SHISA9: variants seen among roughly 807,000 people sequenced by gnomAD.
SHISA9 encodes protein shisa-9.
A neutral mutation model predicts 38.0 loss-of-function variants in SHISA9; 13 were observed. That is an observed-to-expected ratio of 0.34 (90% CI 0.22 to 0.54). The LOEUF is 0.54. Ranked by LOEUF, SHISA9 falls within the 20% of genes least tolerant of loss-of-function variation. The probability of loss-of-function intolerance (pLI) is 0.91; values close to 1 mark genes in which losing one functional copy is unlikely to be tolerated. For missense variants in SHISA9, 538 were observed against 575.8 expected, an observed-to-expected ratio of 0.93 and a Z score of 0.67; for synonymous variants, 275 against 242.0, an observed-to-expected ratio of 1.14 and a Z score of -1.27.
chr16:13,309,324 C>T, the SHISA9 span, among the ~76,000 whole-genome samples: 2 of 152,140 alleles, frequency 1.3e-5, no homozygotes, highest in African/African-American at 4.8e-5. Flanking sequence ...ACCTGCACAT[C>T]CTGCACATGT....
chr16:13,396,797 T>C, the SHISA9 span, among the ~76,000 whole-genome samples: 1 of 152,168 alleles, frequency 6.6e-6, no homozygotes, highest in South Asian at 2.1e-4. Flanking sequence ...AAGGAGTCTT[T>C]CCTGAAAGGG....
At chr16:13,003,617 G>A (rs113730423) in intron 2 of SHISA9, among the ~76,000 whole-genome samples, 75 of 152,276 alleles carry the variant, frequency 4.9e-4, no homozygotes, top group Non-Finnish European at 6.3e-4. Context: ...CAGCATTTTG[G>A]GAGGCCAGAG....
the SHISA9 span, among the ~76,000 whole-genome samples, chr16:13,467,895 A>G: frequency 6.6e-6 from 1 of 152,340 alleles, no homozygotes; most frequent in Non-Finnish European, 1.5e-5. Context: ...AGGAAGGAAT[A>G]CTTGCAAAAC....
chr16:13,130,074 C>T (rs2050293843), intron 2 of SHISA9, among the ~76,000 whole-genome samples: 1 of 152,172 alleles, frequency 6.6e-6, no homozygotes, highest in African/African-American at 2.4e-5. Context: ...GAAATTTCTT[C>T]CTCAAGATCT....
At chr16:13,489,151 A>T in the SHISA9 span, among the ~76,000 whole-genome samples, 2 of 151,974 alleles carry the variant, frequency 1.3e-5, no homozygotes, top group East Asian at 3.9e-4. Context: ...GGTTCAAGCG[A>T]TTCTCCTGCC....
chr16:12,948,586 G>A (rs2071715797), intron 2 of SHISA9, among the ~76,000 whole-genome samples: 1 of 152,298 alleles, frequency 6.6e-6, no homozygotes, highest in East Asian at 1.9e-4. Context: ...TGTCTGGTAA[G>A]GGCCTGTTTC....
chr16:12,920,792 G>C (rs949301503), intron 2 of SHISA9, among the ~76,000 whole-genome samples: 1 of 152,180 alleles, frequency 6.6e-6, no homozygotes, highest in African/African-American at 2.4e-5. Context: ...CTAAACTGTA[G>C]ACATGTTTGG....
chr16:13,118,241 A>ATACAGTCT (rs1306648426), intron 2 of SHISA9, among the ~76,000 whole-genome samples: 1 of 151,774 alleles, frequency 6.6e-6, no homozygotes, highest in African/African-American at 2.4e-5. Context: ...TTCACCAGTA[A>ATACAGTCT]TACAGTCTAG....
chr16:13,019,675 A>G (rs2072799719), intron 2 of SHISA9, among the ~76,000 whole-genome samples: 3 of 151,872 alleles, frequency 2.0e-5, no homozygotes, highest in African/African-American at 4.8e-5. Flanking sequence ...AACTTGTGTC[A>G]CTGGGGTTTG....
intron 4 of SHISA9, among the ~76,000 whole-genome samples, chr16:13,226,818 A>T (rs765903472): frequency 3.9e-5 from 6 of 152,168 alleles, no homozygotes; most frequent in Non-Finnish European, 8.8e-5. Context: ...TGGGTTTCTC[A>T]TCCTCCAGGA....
Position 12,997,819 on chromosome 16 carries a change from T to C in SHISA9, c.691+81004T>C, listed in dbSNP as rs540290741. Among the ~76,000 whole-genome samples the C allele has an allele frequency of 2.0e-5, 3 of 152,314 alleles. No individual in the cohort carries two copies. The East Asian group carries it at 5.8e-4, about 29-fold the overall frequency. ...TGCTCACTCACTGAGGCCCTTCACC[T>C]CTGTGTACACACATTTGTACATAAC... is the stretch of plus-strand genomic sequence containing the variant. On this transcript the variant is annotated intron_variant, in intron 2 of 4. Transcript: ENST00000558583.
intron 2 of SHISA9, among the ~76,000 whole-genome samples, chr16:13,113,209 C>CAA (rs35316820): frequency 0.19 from 12,161 of 64,816 alleles, 1,258 homozygotes; most frequent in Non-Finnish European, 0.25. Flanking sequence ...GACTCCATCT[C>CAA]AAAAAAAAAA....
At chr16:13,536,771 G>A in the SHISA9 span, among the ~76,000 whole-genome samples, 1 of 152,158 alleles carries the variant, frequency 6.6e-6, no homozygotes, top group South Asian at 2.1e-4. Context: ...AGGGTGTGGG[G>A]GTGGAAATAG....
the SHISA9 span, among the ~76,000 whole-genome samples, chr16:13,523,764 A>ACCC: frequency 2.0e-5 from 3 of 152,204 alleles, no homozygotes; most frequent in African/African-American, 7.2e-5. Flanking sequence ...TCCCACCAGG[A>ACCC]CCCACCTCCA....
chr16:13,469,380 AG>A, the SHISA9 span, among the ~76,000 whole-genome samples: 13 of 106,732 alleles, frequency 1.2e-4, no homozygotes, highest in Non-Finnish European at 2.2e-4. Flanking sequence ...AAAGAAAGAA[AG>A]AAAGAAAGAA....
chr16:13,355,513 G>A, the SHISA9 span, among the ~76,000 whole-genome samples: 2 of 152,130 alleles, frequency 1.3e-5, no homozygotes, highest in Admixed American at 6.5e-5. Context: ...CAGGGAAGCA[G>A]ATAATTTAGT....
At chr16:13,070,640 C>T (rs1211929790) in intron 2 of SHISA9, among the ~76,000 whole-genome samples, 1 of 152,206 alleles carries the variant, frequency 6.6e-6, no homozygotes, top group Admixed American at 6.5e-5. Context: ...GGGGGCGGGG[C>T]ACCAGGACAA....
intron 2 of SHISA9, among the ~76,000 whole-genome samples, chr16:12,962,510 A>T (rs1392948125): frequency 6.6e-6 from 1 of 152,204 alleles, no homozygotes; most frequent in South Asian, 2.1e-4. Flanking sequence ...TTAGAATATC[A>T]TGAGGGTGGA....
chr16:13,134,570 A>T (rs2050332180), intron 2 of SHISA9, among the ~76,000 whole-genome samples: 1 of 152,074 alleles, frequency 6.6e-6, no homozygotes, highest in African/African-American at 2.4e-5. Context: ...AGGAAGGGAA[A>T]TGGGTTTGAT....
Sources: gnomAD v4.1 joint callset for allele counts (sites outside exome capture counted in the v4.1 genomes callset) on GRCh38, gnomAD v4.1.1 for gene constraint, MANE v1.5 for transcripts, NCBI Gene and HGNC (gene_info 2026-07-23, HGNC 2026-07-21) for gene names.